Variants in FAM83A observed in about 807,000 individuals in gnomAD.
The protein encoded by FAM83A is scaffolding CK1 anchoring protein A.
A neutral mutation model predicts 24.4 loss-of-function variants in FAM83A; 21 were observed. That is an observed-to-expected ratio of 0.86 (90% confidence interval 0.61 to 1.24). The LOEUF is 1.24. Among genes scored for constraint, FAM83A ranks in the 50% most tolerant of loss-of-function variants. The probability of loss-of-function intolerance (pLI) is 0.00; values close to 1 mark genes in which losing one functional copy is unlikely to be tolerated. For synonymous variants in FAM83A, 270 were observed against 252.4 expected (o/e 1.07, Z -0.66); for missense variants, 617 against 579.8 (o/e 1.06, Z -0.66).
chr8:123,207,638 A>G, exon 4 of FAM83A: 1 of 1,546,256 alleles, frequency 6.5e-7, no homozygotes, highest in Non-Finnish European at 8.7e-7. Context: ...CCTGGTGCCG[A>G]GGCTGACTCC....
chr8:123,189,884 C>T (rs1199719439), intron 1 of FAM83A, among the ~76,000 whole-genome samples: 1 of 152,232 alleles, frequency 6.6e-6, no homozygotes, highest in African/African-American at 2.4e-5. Context: ...AATAAACTTT[C>T]TAAATTAACT....
At chr8:123,203,265 T>A (rs1442430221) in intron 3 of FAM83A, among the ~76,000 whole-genome samples, 9 of 150,990 alleles carry the variant, frequency 6.0e-5, no homozygotes, top group African/African-American at 2.2e-4. Context: ...TTAATCTGAC[T>A]ATATTACAAT....
intron 1 of FAM83A, among the ~76,000 whole-genome samples, chr8:123,189,944 T>C (rs11783554): frequency 0.26 from 39,667 of 152,110 alleles, 5,528 homozygotes; most frequent in African/African-American, 0.37. Flanking sequence ...AACATGACTG[T>C]TAGTTTTTGC....
At chr8:123,180,893 C>CA (rs113804335), upstream of FAM83A, among the ~76,000 whole-genome samples, 164 of 138,422 alleles carry the variant, frequency 1.2e-3, no homozygotes, top group East Asian at 2.9e-3. Context: ...TTCGATGTTC[C>CA]AAAAAAAAAA....
Position 123,186,265 on chromosome 8 carries a change from AC to A in FAM83A, c.480+2936del, listed in dbSNP as rs770219252. 4.6e-5 allele frequency among the ~76,000 whole-genome samples: 7 copies of A among 151,170 alleles called. No homozygotes were observed. In the East Asian group the frequency reaches 9.7e-4, roughly 21 times the overall value. ...CGAATGCACACAAATGCACCTACAC[AC>A]CCCCCCACGTGCAGGGACTCAGGGA... is the stretch of plus-strand genomic sequence containing the variant. On this transcript the variant is annotated intron_variant, in intron 1 of 3. Coordinates refer to ENST00000690554, the Ensembl canonical transcript of FAM83A.
chr8:123,191,697 A>G (rs1408061897), intron 1 of FAM83A, 106 bp from the exon 2 acceptor site: 3 of 1,220,294 alleles, frequency 2.5e-6, no homozygotes, highest in Admixed American at 1.9e-5. Context: ...CTCTGGCCCA[A>G]TGGGAACAGC....
intron 3 of FAM83A, chr8:123,200,029 CT>C (rs1824296623): frequency 6.5e-6 from 1 of 153,798 alleles, no homozygotes; most frequent in Non-Finnish European, 1.5e-5. Flanking sequence ...CTTATGGGAG[CT>C]ACTGGGGAAT....
chr8:123,192,055 T>C, intron 2 of FAM83A, 85 bp downstream of exon 2: 3 of 1,462,610 alleles, frequency 2.1e-6, no homozygotes, highest in African/African-American at 2.8e-5. Context: ...GTCCCTCATC[T>C]TGTGTTAATA....
At chr8:123,198,050 G>T (rs1244461210) in intron 3 of FAM83A, among the ~76,000 whole-genome samples, 1 of 152,186 alleles carries the variant, frequency 6.6e-6, no homozygotes, top group African/African-American at 2.4e-5. Context: ...GAATCACTTT[G>T]AACCTGGGAG....
intron 1 of FAM83A, among the ~76,000 whole-genome samples, chr8:123,186,761 C>T (rs913687951): frequency 3.3e-5 from 5 of 152,254 alleles, no homozygotes; most frequent in Middle Eastern, 3.4e-3. Context: ...ACCTGGGAGG[C>T]GGAGGCTGCA....
intron 3 of FAM83A, among the ~76,000 whole-genome samples, chr8:123,205,544 A>G (rs1362499967): frequency 1.3e-5 from 2 of 152,212 alleles, no homozygotes; most frequent in Non-Finnish European, 2.9e-5. Context: ...CTCACAGAGC[A>G]GGGAACTCCC....
At chr8:123,189,057 G>A (rs564339026) in intron 1 of FAM83A, among the ~76,000 whole-genome samples, 42 of 152,332 alleles carry the variant, frequency 2.8e-4, no homozygotes, top group Non-Finnish European at 5.0e-4. Flanking sequence ...CAGGGAGGGA[G>A]GGAATTGTTT....
chr8:123,190,811 A>G lies in FAM83A; in HGVS notation c.481-992A>G, dbSNP rs985736311. On this transcript the variant is annotated intron_variant, in intron 1 of 3. Transcript: ENST00000690554. ...TACCTCCTGGCTGCTTTCTCCAGGG[A>G]TGGCTTCATTGTCAGGCAGGCTCTC... Among the ~76,000 whole-genome samples the G allele has an allele frequency of 5.9e-5, 9 of 152,250 alleles. No homozygotes were observed. The East Asian group carries it at 1.5e-3, about 26-fold the overall frequency.
Position 123,183,077 on chromosome 8 carries a change from AG to A in FAM83A, c.223del (p.Ala75ProfsTer55), listed in dbSNP as rs1823662574. ...GTGGAGGCCCAGTACATCCAGGCCC[AG>A]GCCAGGGAGCCCCCGTGTCCCCCAG... On this transcript the variant is annotated frameshift_variant, in exon 1 of 4. Transcript: ENST00000690554. LOFTEE classifies it high-confidence loss of function. The A allele has an allele frequency of 1.2e-6, 2 of 1,613,538 alleles. No homozygotes were observed. Among genetic ancestry groups the A allele is most frequent in the East Asian group, 4.5e-5 (2 of 44,862 alleles).
chr8:123,185,063 C>T (rs17377108), intron 1 of FAM83A, among the ~76,000 whole-genome samples: 6,038 of 152,270 alleles, frequency 0.04, 230 homozygotes, highest in Admixed American at 0.11. Context: ...TTTAGTGTGG[C>T]TGGGCTGCTT....
intron 2 of FAM83A, among the ~76,000 whole-genome samples, chr8:123,193,814 C>G (rs577032416): frequency 6.6e-6 from 1 of 152,330 alleles, no homozygotes; most frequent in Admixed American, 6.5e-5. Flanking sequence ...GATCTCTAGG[C>G]CTCCTTTATA....
chr8:123,207,923 G>T, exon 4 of FAM83A: 1 of 1,241,032 alleles, frequency 8.1e-7, no homozygotes, highest in Non-Finnish European at 1.0e-6. Flanking sequence ...TTCCAGGGAG[G>T]TTGTGGGGCA....
chr8:123,190,918 T>C (rs908960393), intron 1 of FAM83A, among the ~76,000 whole-genome samples: 29 of 152,166 alleles, frequency 1.9e-4, no homozygotes, highest in African/African-American at 6.8e-4. Context: ...GAACACCTCC[T>C]TTTCCCAGGA....
intron 2 of FAM83A, 126 bp downstream of exon 2, chr8:123,192,096 C>G: frequency 8.3e-6 from 9 of 1,084,626 alleles, no homozygotes; most frequent in Non-Finnish European, 1.2e-5. Context: ...ATTTCTTGCT[C>G]AAACAAACTC....
Sources: allele counts gnomAD v4.1 joint callset (sites outside exome capture counted in the v4.1 genomes callset), GRCh38; gene constraint gnomAD v4.1.1; transcripts MANE v1.5; gene names NCBI Gene and HGNC (gene_info 2026-07-23, HGNC 2026-07-21).